SNX20: variants seen among roughly 807,000 people sequenced by gnomAD.
SNX20 encodes the protein sorting nexin 20.
In SNX20, 21 loss-of-function variants were observed where a neutral mutation model predicts 24.5. The ratio of observed to expected loss-of-function variants is 0.86; its 90% CI spans 0.61 to 1.23. The LOEUF (loss-of-function observed/expected upper bound fraction) is 1.23. Among genes scored for constraint, SNX20 ranks in the 50% most tolerant of loss-of-function variants. SNX20 has a pLI of 0.00. For missense variants in SNX20, 433 were observed against 430.8 expected (o/e 1.00, Z -0.04); for synonymous variants, 206 against 192.8 (o/e 1.07, Z -0.57).
At chr16:50,667,980 G>T, downstream of SNX20, 3 of 1,547,162 alleles carry the variant, frequency 1.9e-6, no homozygotes, top group South Asian at 1.2e-5. Flanking sequence ...GCTTCGACCA[G>T]CCCAGAACGC....
In SNX20 at chr16:50,671,938, T is replaced by C. The variant is rs2150759667; in HGVS notation, c.*1468A>G. ...GCTGGGCCAAGTTCCTCTCCTTAAG[T>C]GGTGTCTCACATTAAGGTTCCCAAA... On this transcript the variant is annotated 3_prime_UTR_variant, in exon 4 of 4. Coordinates refer to ENST00000330943, the MANE Select transcript of SNX20 (RefSeq NM_182854.4). 1 of 152,356 alleles carries C rather than the reference T, an allele frequency of 6.6e-6. No individual in the cohort carries two copies. Among genetic ancestry groups the C allele is most frequent in the East Asian group, 1.9e-4 (1 of 5,188 alleles). 9.4% of individuals were successfully genotyped at this position (152,356 alleles called of 1,614,324 possible).
At chr16:50,668,092 G>A (rs576183934), downstream of SNX20, 83 of 1,551,564 alleles carry the variant, frequency 5.3e-5, 1 homozygote, top group South Asian at 2.7e-4. Flanking sequence ...CCAGGCCCAC[G>A]ACTTAGGAGC....
In SNX20 at chr16:50,673,817, G is replaced by C; in HGVS notation, c.540C>G (p.Phe180Leu). Residue 180 changes from phenylalanine to leucine, a missense_variant, in exon 4 of 4, where the codon TTC (phenylalanine) becomes TTG (leucine). By Grantham distance (22) the Phe-to-Leu change is conservative (BLOSUM62 0). Coordinates refer to ENST00000330943, the MANE Select transcript of SNX20 (RefSeq NM_182854.4). This position sits in a 1 kb window ranked among gnomAD's most constrained non-coding sequence, Gnocchi z 4.1. ...GCTCCGGCCGCGTGAGGAAGTCCAGGAACTCCCGGGAGCGGCGCACGCAGC... is the reference window on the plus strand; with the variant it reads ...GCTCCGGCCGCGTGAGGAAGTCCAGCAACTCCCGGGAGCGGCGCACGCAGC... ...AIRCVRRSRE[F>L]LDFLTRPELR... 1.9e-6 allele frequency: 3 copies of C among 1,595,092 alleles called. No homozygotes were observed. Among genetic ancestry groups the C allele is most frequent in the Non-Finnish European group, 2.6e-6 (3 of 1,175,862 alleles).
chr16:50,669,661 A>C (rs1247817036), downstream of SNX20: 1 of 152,516 alleles, frequency 6.6e-6, no homozygotes, highest in African/African-American at 2.4e-5. Context: ...TTTAATGTGG[A>C]GTTCAGCAAG....
chr16:50,668,298 A>G, downstream of SNX20: 1 of 1,382,180 alleles, frequency 7.2e-7, no homozygotes, highest in East Asian at 2.7e-5. Context: ...AATCAAAGAG[A>G]AGTCTCAGCT....
downstream of SNX20, chr16:50,670,262 C>T (rs1424257190): frequency 2.0e-5 from 3 of 152,290 alleles, no homozygotes; most frequent in Non-Finnish European, 4.4e-5. Flanking sequence ...GGCCCAGTTC[C>T]ATGGATGATT....
rs1416558103 is a variant in SNX20 at position 50,677,415 on chromosome 16, C to G, written c.112G>C (p.Gly38Arg). Residue 38 changes from glycine to arginine, a missense_variant, in exon 2 of 4, where the codon GGA (glycine) becomes CGA (arginine). Coordinates refer to ENST00000330943, the MANE Select transcript of SNX20 (RefSeq NM_182854.4). The part of the protein sequence containing the change: ...PATGPDLPHP[G>R]PDGHLDTHSG... The stretch of plus-strand genomic sequence containing the variant: ...AGCCCACCTAAGTGCCCGTCAGGTC[C>G]TGGGTGCGGGAGGTCGGGGCCAGTG... 2 of 1,602,200 alleles carry G rather than the reference C, an allele frequency of 1.2e-6. No individual in the cohort carries two copies. The highest frequency in any genetic ancestry group is 2.2e-5 in the South Asian group (2 of 89,512).
At chr16:50,670,787 T>C (rs933864053), downstream of SNX20, 1 of 152,192 alleles carries the variant, frequency 6.6e-6, no homozygotes, top group Non-Finnish European at 1.5e-5. Flanking sequence ...TTGTAGTGGA[T>C]GAAGATGCAG....
At chr16:50,681,126 C>T (rs374864102) in intron 1 of SNX20, 64 bp downstream of exon 1, 1 of 153,110 alleles carries the variant, frequency 6.5e-6, no homozygotes, top group African/African-American at 2.4e-5. Context: ...AGGCAGGGCC[C>T]CAGGAGAAGG....
In SNX20 at chr16:50,673,811, G is replaced by T; in HGVS notation, c.546C>A (p.Asp182Glu). The T allele has an allele frequency of 6.3e-7, 1 of 1,593,928 alleles. No homozygotes were observed. The highest frequency in any genetic ancestry group is 1.7e-5 in the Admixed American group (1 of 59,022). ...RCVRRSREFL[D>E]FLTRPELREA... ...CGCGCAGCTCCGGCCGCGTGAGGAA[G>T]TCCAGGAACTCCCGGGAGCGGCGCA... is the stretch of plus-strand genomic sequence containing the variant. The change falls in exon 4 of 4, where the codon GAC becomes GAA. Residue 182 changes from aspartate to glutamate, a missense_variant. Transcript: ENST00000330943. The surrounding 1 kb of genome is among the most constrained non-coding windows in gnomAD (Gnocchi z 4.1).
Position 50,671,911 on chromosome 16 carries a change from T to C in SNX20, c.*1495A>G, listed in dbSNP as rs1963058553. ...AGCTGTCCACTTCTAGAGTGATCACTTGCTGGGCCAAGTTCCTCTCCTTAA... is the reference window on the plus strand; with the variant it reads ...AGCTGTCCACTTCTAGAGTGATCACCTGCTGGGCCAAGTTCCTCTCCTTAA... On this transcript the variant is annotated 3_prime_UTR_variant, in exon 4 of 4. Coordinates refer to ENST00000330943, the MANE Select transcript of SNX20 (RefSeq NM_182854.4). 1 of 152,260 alleles carries C rather than the reference T, an allele frequency of 6.6e-6. No homozygotes were observed. The highest frequency in any genetic ancestry group is 2.4e-5 in the African/African-American group (1 of 41,468). 9.4% of individuals were successfully genotyped at this position (152,260 alleles called of 1,614,324 possible). A position where few individuals can be genotyped will look rare whatever the true frequency, so the allele number is the denominator to read the frequency against.
rs1181234577 is a variant in SNX20 at position 50,672,325 on chromosome 16, T to C, written c.*1081A>G. On this transcript the variant is annotated 3_prime_UTR_variant, in exon 4 of 4. Transcript: ENST00000330943. The stretch of plus-strand genomic sequence containing the variant: ...CCAGGGAAGCCATTCAGGGAACAGC[T>C]GCCTTATGAATGAAAATCCACCCCT... 2 of 152,252 alleles carry C rather than the reference T, an allele frequency of 1.3e-5. No homozygotes were observed. The highest frequency in any genetic ancestry group is 2.9e-5 in the Non-Finnish European group (2 of 68,048). The allele number at this position is 152,252 out of a possible 1,614,324, so 9.4% of individuals were successfully genotyped here. A position where few individuals can be genotyped will look rare whatever the true frequency, so the allele number is the denominator to read the frequency against.
In SNX20 at chr16:50,673,680, G is replaced by A; in HGVS notation, c.677C>T (p.Ala226Val). 1 of 1,493,786 alleles carries A rather than the reference G, an allele frequency of 6.7e-7. No individual in the cohort carries two copies. The highest frequency in any genetic ancestry group is 8.8e-7 in the Non-Finnish European group (1 of 1,130,564). 92.5% of individuals were successfully genotyped at this position (1,493,786 alleles called of 1,614,324 possible). A position where few individuals can be genotyped will look rare whatever the true frequency, so the allele number is the denominator to read the frequency against. Residue 226 changes from alanine to valine, a missense_variant, in exon 4 of 4, where the codon GCC becomes GTC. By Grantham distance (64) the Ala-to-Val change is moderately conservative (BLOSUM62 0). Coordinates refer to ENST00000330943, the MANE Select transcript of SNX20 (RefSeq NM_182854.4). This position sits in a 1 kb window ranked among gnomAD's most constrained non-coding sequence, Gnocchi z 4.1. ...CAGCACGGCGCACAGGGCCGGGACG[G>A]CGGCCGCAGGGCAGTGGGCGGTGAG... The part of the protein sequence containing the change: ...EKLTAHCPAA[A>V]VPALCAVLLC...
At chr16:50,669,458 C>A, downstream of SNX20, 1 of 256,544 alleles carries the variant, frequency 3.9e-6, no homozygotes. Context: ...TTCATTACCA[C>A]GGGGAGGGCA....
At chr16:50,668,842 G>T, downstream of SNX20, 1 of 1,338,552 alleles carries the variant, frequency 7.5e-7, no homozygotes, top group Admixed American at 3.2e-5. Flanking sequence ...AGCCACTAGA[G>T]AGCAGAGCTA....
downstream of SNX20, chr16:50,668,194 T>C (rs1379512542): frequency 5.3e-6 from 8 of 1,502,782 alleles, no homozygotes; most frequent in Non-Finnish European, 7.1e-6. Context: ...CCAGATGGTC[T>C]GCAGCAACGC....
At chr16:50,671,152 T>C (rs538022338), downstream of SNX20, 1 of 124,980 alleles carries the variant, frequency 8.0e-6, no homozygotes, top group South Asian at 2.7e-4. Flanking sequence ...TTTCAGCACC[T>C]CTGAACTCAA....
At chr16:50,675,526 G>T (rs1963160583) in intron 3 of SNX20, among the ~76,000 whole-genome samples, 1 of 152,180 alleles carries the variant, frequency 6.6e-6, no homozygotes, top group Admixed American at 6.5e-5. Context: ...GATAAGATGG[G>T]ATTAAACTGG....
Position 50,675,885 on chromosome 16 carries a change from G to T in SNX20, c.167C>A (p.Thr56Asn), listed in dbSNP as rs1963170795. The change falls in exon 3 of 4, where the codon ACC becomes AAC. Residue 56 changes from threonine to asparagine, a missense_variant. Coordinates refer to ENST00000330943, the MANE Select transcript of SNX20 (RefSeq NM_182854.4). ...CCAGTACTGCTGAAGCTCCCGCGTG[G>T]TCATGCTGGAGTTGGAGCTCAGGCC... is the stretch of plus-strand genomic sequence containing the variant. Reference protein sequence around the residue: ...HSGLSSNSSMTTRELQQYWQN... With the variant: ...HSGLSSNSSMNTRELQQYWQN... The T allele has an allele frequency of 6.2e-7, 1 of 1,611,906 alleles. No homozygotes were observed. Among genetic ancestry groups the T allele is most frequent in the Admixed American group, 1.7e-5 (1 of 59,256 alleles).
Sources: allele counts gnomAD v4.1 joint callset (sites outside exome capture counted in the v4.1 genomes callset), GRCh38; gene constraint gnomAD v4.1.1; non-coding constraint Gnocchi (gnomAD v3.1); transcripts MANE v1.5; gene names NCBI Gene and HGNC (gene_info 2026-07-23, HGNC 2026-07-21).